SLC25A26: variants seen among roughly 807,000 people sequenced by gnomAD.
SLC25A26 encodes the protein mitochondrial S-adenosylmethionine carrier protein.
In SLC25A26, 36 loss-of-function variants were observed where a neutral mutation model predicts 37.8. That is an observed-to-expected ratio of 0.95 (90% CI 0.73 to 1.26). The LOEUF (loss-of-function observed/expected upper bound fraction) is 1.26. SLC25A26 is among the 50% of genes most tolerant of loss of function. SLC25A26 has a pLI of 0.00. For missense variants in SLC25A26, 390 were observed against 331.1 expected (o/e 1.18, Z -1.38); for synonymous variants, 129 against 122.5 (o/e 1.05, Z -0.35).
At chr3:66,207,202 C>T (rs1458297531) in intron 1 of SLC25A26, among the ~76,000 whole-genome samples, 5 of 152,218 alleles carry the variant, frequency 3.3e-5, no homozygotes, top group African/African-American at 1.2e-4. Context: ...GCCTCACCTA[C>T]GTAAGTCATG....
intron 1 of SLC25A26, among the ~76,000 whole-genome samples, chr3:66,134,522 G>A (rs755115544): frequency 4.6e-5 from 7 of 152,186 alleles, no homozygotes; most frequent in Non-Finnish European, 7.3e-5. Context: ...GGAAATCTGA[G>A]TTTGAGTCAC....
intron 5 of SLC25A26, among the ~76,000 whole-genome samples, chr3:66,321,789 T>C (rs1370423061): frequency 6.6e-6 from 1 of 151,816 alleles, no homozygotes; most frequent in Non-Finnish European, 1.5e-5. Flanking sequence ...TGGTGTATGC[T>C]AGTTAGAATT....
At chr3:66,217,552 C>CTT (rs1305200365), upstream of SLC25A26, among the ~76,000 whole-genome samples, 1 of 146,246 alleles carries the variant, frequency 6.8e-6, no homozygotes. Flanking sequence ...TTTACATATA[C>CTT]TTTTTTTTTT....
At chr3:66,147,115 TCCCCTCC>T (rs2070129477) in intron 1 of SLC25A26, among the ~76,000 whole-genome samples, 1 of 39,084 alleles carries the variant, frequency 2.6e-5, no homozygotes, top group African/African-American at 1.1e-4. Context: ...TCCCCTCCCC[TCCCCTCC>T]CCTCCCTTCC....
chr3:66,352,883 G>T (rs2076491664), intron 6 of SLC25A26, among the ~76,000 whole-genome samples: 2 of 152,018 alleles, frequency 1.3e-5, no homozygotes, highest in Non-Finnish European at 1.5e-5. Flanking sequence ...TCCAAAGTAG[G>T]ACTTTCCCCT....
At chr3:66,346,765 G>T in intron 6 of SLC25A26, among the ~76,000 whole-genome samples, 2 of 127,124 alleles carry the variant, frequency 1.6e-5, no homozygotes, top group Admixed American at 8.1e-5. Flanking sequence ...TGTGTGTTTA[G>T]AAGTTAAAGA....
At chr3:66,207,167 A>T (rs1165624902) in intron 1 of SLC25A26, among the ~76,000 whole-genome samples, 1 of 152,046 alleles carries the variant, frequency 6.6e-6, no homozygotes, top group Non-Finnish European at 1.5e-5. Flanking sequence ...CCTTGTTAGG[A>T]GACCCAAATG....
intron 5 of SLC25A26, among the ~76,000 whole-genome samples, chr3:66,265,873 C>T (rs1303521481): frequency 2.6e-5 from 4 of 152,210 alleles, no homozygotes; most frequent in Admixed American, 2.6e-4. Context: ...TCAGATTTCA[C>T]CTGGGTGCAG....
chr3:66,358,664 A>G (rs1050789468), intron 6 of SLC25A26, among the ~76,000 whole-genome samples: 4 of 152,006 alleles, frequency 2.6e-5, no homozygotes, highest in Admixed American at 1.3e-4. Context: ...TCTTTAGACA[A>G]TTTTTTTCTT....
intron 5 of SLC25A26, among the ~76,000 whole-genome samples, chr3:66,338,084 T>C (rs1372887901): frequency 6.6e-6 from 1 of 152,104 alleles, no homozygotes; most frequent in Non-Finnish European, 1.5e-5. Context: ...TGGAATTTTA[T>C]ATGAATAGAA....
rs757662765 is a variant in SLC25A26, at chr3:66,362,931, T to G, written c.568+2T>G. 3 of 1,596,168 alleles carry G rather than the reference T, an allele frequency of 1.9e-6. No individual in the cohort carries two copies. The highest frequency in any genetic ancestry group is 2.6e-6 in the Non-Finnish European group (3 of 1,168,842). ...CAGCAGTCTGTGGAGCTTTTGCAGG[T>G]GCAAAGGATTATATTATACTGGGAA... On this transcript the variant is annotated splice_donor_variant, in intron 7 of 9. Coordinates refer to ENST00000354883, the MANE Select transcript of SLC25A26 (RefSeq NM_001379210.1). LOFTEE classifies it high-confidence loss of function.
At chr3:66,327,894 T>C (rs2075877667) in intron 5 of SLC25A26, among the ~76,000 whole-genome samples, 1 of 151,940 alleles carries the variant, frequency 6.6e-6, no homozygotes. Context: ...GATTTTTTTT[T>C]TTTGCCACTT....
At chr3:66,296,546 A>G (rs900579890) in intron 5 of SLC25A26, among the ~76,000 whole-genome samples, 1 of 152,230 alleles carries the variant, frequency 6.6e-6, no homozygotes, top group Non-Finnish European at 1.5e-5. Context: ...TTTGGCAACT[A>G]TGAAAGCATA....
chr3:66,320,791 T>G (rs1015913643), intron 5 of SLC25A26, among the ~76,000 whole-genome samples: 1 of 152,194 alleles, frequency 6.6e-6, no homozygotes, highest in Non-Finnish European at 1.5e-5. Flanking sequence ...TGTGAAATGG[T>G]ATGAACCAGT....
At chr3:66,363,873 G>A (rs958119649) in intron 7 of SLC25A26, among the ~76,000 whole-genome samples, 1 of 152,066 alleles carries the variant, frequency 6.6e-6, no homozygotes, top group Non-Finnish European at 1.5e-5. Context: ...TAAGAATTTT[G>A]CCTGTAGACA....
chr3:66,164,246 C>T (rs1385791538), intron 1 of SLC25A26, among the ~76,000 whole-genome samples: 1 of 152,182 alleles, frequency 6.6e-6, no homozygotes, highest in Non-Finnish European at 1.5e-5. Flanking sequence ...GAAATTTTCT[C>T]TTGTAACAAA....
chr3:66,235,098 G>T (rs373279663), intron 1 of SLC25A26, among the ~76,000 whole-genome samples: 6 of 152,102 alleles, frequency 3.9e-5, no homozygotes, highest in Admixed American at 2.0e-4. Context: ...TAGTGCATCT[G>T]TATTGACATT....
intron 5 of SLC25A26, among the ~76,000 whole-genome samples, chr3:66,314,939 T>G (rs11921890): frequency 0.03 from 4,606 of 151,964 alleles, 233 homozygotes; most frequent in African/African-American, 0.1. Context: ...CTCTGATCAT[T>G]GTTTGTATTT....
chr3:66,242,509 TC>T (rs2072628751), intron 2 of SLC25A26, among the ~76,000 whole-genome samples: 1 of 152,212 alleles, frequency 6.6e-6, no homozygotes. Context: ...AGTGACATGT[TC>T]AGATGCCCTT....
Sources: allele counts gnomAD v4.1 joint callset (sites outside exome capture counted in the v4.1 genomes callset), GRCh38; gene constraint gnomAD v4.1.1; transcripts MANE v1.5; gene names NCBI Gene and HGNC (gene_info 2026-07-23, HGNC 2026-07-21).